The following ANKS1B variants were observed in gnomAD, a reference collection of about 807,000 sequenced individuals.
ANKS1B encodes ankyrin repeat and sterile alpha motif domain-containing protein 1B.
A neutral mutation model predicts 148.3 loss-of-function variants in ANKS1B; 36 were observed. The observed-to-expected ratio is 0.24, with a 90% CI of 0.19 to 0.32. The LOEUF (loss-of-function observed/expected upper bound fraction) is 0.32. Among genes scored for constraint, ANKS1B ranks in the 10% least tolerant of loss-of-function variants. The pLI is 1.00. For synonymous variants in ANKS1B, 542 were observed against 560.8 expected (o/e 0.97, Z 0.47); for missense variants, 1,157 against 1,542.6 (o/e 0.75, Z 4.19).
rs907355904 is a variant in ANKS1B, at chr12:99,673,146, C to T, written c.1129-17936G>A. Among the ~76,000 whole-genome samples, 70 of 151,848 alleles carry T rather than the reference C, an allele frequency of 4.6e-4. 1 individual carries two copies. Among genetic ancestry groups the T allele is most frequent in the Admixed American group, 5.2e-4 (8 of 15,246 alleles). The stretch of plus-strand genomic sequence containing the variant: ...AAAAAGCCTGAGCAGAGAATACAAA[C>T]GAAATAATCAAAAATATAATAGAAG... On this transcript the variant is annotated intron_variant, in intron 8 of 26. Coordinates refer to ENST00000683438, the MANE Select transcript of ANKS1B (RefSeq NM_001352186.2).
At chr12:99,716,616 C>T (rs376509459) in intron 8 of ANKS1B, among the ~76,000 whole-genome samples, 3 of 152,248 alleles carry the variant, frequency 2.0e-5, no homozygotes, top group East Asian at 1.9e-4. Context: ...TCAATTTTTC[C>T]ATCCTACGAG....
At chr12:99,281,542 A>G (rs1233858108) in intron 12 of ANKS1B, among the ~76,000 whole-genome samples, 2 of 152,196 alleles carry the variant, frequency 1.3e-5, no homozygotes, top group African/African-American at 4.8e-5. Context: ...TTCTTAAGAG[A>G]CAAAGAACAA....
chr12:99,015,639 G>C (rs893035113), intron 17 of ANKS1B, among the ~76,000 whole-genome samples: 6 of 152,170 alleles, frequency 3.9e-5, no homozygotes, highest in African/African-American at 1.2e-4. Context: ...GGCCGAGGTG[G>C]GCGGATCAGG....
chr12:99,121,396 A>T (rs1459137177), intron 15 of ANKS1B, among the ~76,000 whole-genome samples: 1 of 151,406 alleles, frequency 6.6e-6, no homozygotes, highest in Non-Finnish European at 1.5e-5. Context: ...ATTGGTATCA[A>T]CATTTCTTAT....
chr12:99,221,877 C>G (rs981882818), intron 14 of ANKS1B, among the ~76,000 whole-genome samples: 2 of 152,012 alleles, frequency 1.3e-5, no homozygotes, highest in Non-Finnish European at 2.9e-5. Flanking sequence ...TTATTCATTG[C>G]AGCATTGTTT....
At chr12:99,818,260 T>A (rs1321599044) in intron 2 of ANKS1B, among the ~76,000 whole-genome samples, 2 of 151,822 alleles carry the variant, frequency 1.3e-5, no homozygotes, top group Admixed American at 1.3e-4. Context: ...CTTTAAGGTA[T>A]CCACAAAGGA....
intron 17 of ANKS1B, among the ~76,000 whole-genome samples, chr12:99,014,423 G>A (rs1003671081): frequency 2.0e-5 from 3 of 152,094 alleles, no homozygotes; most frequent in Non-Finnish European, 2.9e-5. Context: ...AAAAACCCTG[G>A]AAGACAACCT....
intron 14 of ANKS1B, among the ~76,000 whole-genome samples, chr12:99,226,563 A>T (rs1356565843): frequency 6.6e-6 from 1 of 152,274 alleles, no homozygotes; most frequent in Non-Finnish European, 1.5e-5. Flanking sequence ...AGTTCTGATT[A>T]TCATAGGAAT....
chr12:99,702,145 A>G (rs2054932355), intron 8 of ANKS1B, among the ~76,000 whole-genome samples: 1 of 152,200 alleles, frequency 6.6e-6, no homozygotes, highest in Non-Finnish European at 1.5e-5. Flanking sequence ...GTACTAATTT[A>G]CATTCCCACC....
intron 12 of ANKS1B, among the ~76,000 whole-genome samples, chr12:99,398,516 T>C (rs1337300979): frequency 6.6e-6 from 1 of 152,258 alleles, no homozygotes; most frequent in Admixed American, 6.5e-5. Flanking sequence ...AAGTAATTGT[T>C]TACTTACATG....
intron 1 of ANKS1B, among the ~76,000 whole-genome samples, chr12:99,846,433 C>A (rs957774370): frequency 1.2e-4 from 18 of 152,096 alleles, no homozygotes; most frequent in Non-Finnish European, 2.4e-4. Context: ...TACATTGTAA[C>A]TATGTCCATC....
At chr12:99,220,967 C>CT (rs2085035499) in intron 14 of ANKS1B, among the ~76,000 whole-genome samples, 1 of 151,886 alleles carries the variant, frequency 6.6e-6, no homozygotes, top group Non-Finnish European at 1.5e-5. Context: ...TGAGGGAGGC[C>CT]TTTTTAATAA....
chr12:98,781,435 C>T, intron 23 of ANKS1B: 1 of 611,060 alleles, frequency 1.6e-6, no homozygotes, highest in Non-Finnish European at 3.1e-6. Context: ...ATCCGTCTTG[C>T]CCTTGAGGAT....
At chr12:98,746,302 C>T (rs1351253957) in intron 26 of ANKS1B, among the ~76,000 whole-genome samples, 1 of 152,158 alleles carries the variant, frequency 6.6e-6, no homozygotes, top group African/African-American at 2.4e-5. Flanking sequence ...AGTACCCCTG[C>T]CCACCTGATT....
At chr12:99,427,425 T>G (rs1466545598) in intron 11 of ANKS1B, among the ~76,000 whole-genome samples, 10 of 152,320 alleles carry the variant, frequency 6.6e-5, no homozygotes, top group Non-Finnish European at 1.5e-5. Flanking sequence ...GCCTGGAACA[T>G]TCTTCCTCTG....
At chr12:99,764,682 C>A (rs963527601) in intron 8 of ANKS1B, among the ~76,000 whole-genome samples, 9 of 152,156 alleles carry the variant, frequency 5.9e-5, no homozygotes, top group African/African-American at 2.2e-4. Context: ...CTCAGCCTCC[C>A]AAAGTGCTGA....
intron 19 of ANKS1B, among the ~76,000 whole-genome samples, chr12:98,813,742 G>T (rs957069287): frequency 1.9e-4 from 29 of 151,646 alleles, no homozygotes; most frequent in African/African-American, 6.5e-4. Context: ...TTTTAGTAGA[G>T]ATGAGTTTCA....
chr12:99,891,528 G>T (rs1200253993), intron 1 of ANKS1B, among the ~76,000 whole-genome samples: 1 of 152,028 alleles, frequency 6.6e-6, no homozygotes, highest in Non-Finnish European at 1.5e-5. Flanking sequence ...CCCTCGTTGT[G>T]ATTTTAATTT....
intron 16 of ANKS1B, among the ~76,000 whole-genome samples, chr12:99,077,047 A>T (rs2048098326): frequency 6.6e-6 from 1 of 152,148 alleles, no homozygotes; most frequent in South Asian, 2.1e-4. Context: ...AAAACAAAAA[A>T]CAAAAATACA....
Sources: allele counts gnomAD v4.1 joint callset (sites outside exome capture counted in the v4.1 genomes callset), GRCh38; gene constraint gnomAD v4.1.1; transcripts MANE v1.5; gene names NCBI Gene and HGNC (gene_info 2026-07-23, HGNC 2026-07-21).